The following GPC5 variants were observed in gnomAD, a reference collection of about 807,000 sequenced individuals.
GPC5 encodes glypican 5.
A neutral mutation model predicts 53.9 loss-of-function variants in GPC5; 47 were observed. That is an observed-to-expected ratio of 0.87 (90% CI 0.69 to 1.11). The LOEUF is 1.11. GPC5 is among the 50% of genes most tolerant of loss of function. The pLI is 0.00. For missense variants in GPC5, 748 were observed against 713.1 expected (o/e 1.05, Z -0.56); for synonymous variants, 286 against 263.3 (o/e 1.09, Z -0.84).
At chr13:92,768,736 T>G (rs1302866908) in intron 7 of GPC5, among the ~76,000 whole-genome samples, 1 of 151,678 alleles carries the variant, frequency 6.6e-6, no homozygotes, top group Non-Finnish European at 1.5e-5. Context: ...GTCTTGCCAC[T>G]GCTGCTCATA....
At chr13:92,453,855 C>T (rs1443036812) in intron 7 of GPC5, among the ~76,000 whole-genome samples, 5 of 152,154 alleles carry the variant, frequency 3.3e-5, no homozygotes, top group Non-Finnish European at 5.9e-5. Context: ...TTAAAATTAC[C>T]TTTTCCTTGT....
intron 5 of GPC5, among the ~76,000 whole-genome samples, chr13:91,892,459 G>A (rs1171762843): frequency 2.6e-5 from 4 of 151,268 alleles, no homozygotes; most frequent in Non-Finnish European, 4.4e-5. Flanking sequence ...ACACTTTTAT[G>A]CTTTTCTTAC....
intron 7 of GPC5, among the ~76,000 whole-genome samples, chr13:92,408,031 T>C (rs1338316067): frequency 1.3e-5 from 2 of 152,206 alleles, no homozygotes; most frequent in Admixed American, 6.5e-5. Flanking sequence ...CCGTGGCCCA[T>C]GGCCTGTTAG....
intron 7 of GPC5, among the ~76,000 whole-genome samples, chr13:92,738,312 T>G (rs1489468623): frequency 6.6e-6 from 1 of 152,110 alleles, no homozygotes; most frequent in Admixed American, 6.6e-5. Flanking sequence ...TATTTTCTTT[T>G]TTATGCAATG....
chr13:92,418,471 G>A (rs1238216252), intron 7 of GPC5, among the ~76,000 whole-genome samples: 3 of 152,188 alleles, frequency 2.0e-5, no homozygotes, highest in African/African-American at 7.2e-5. Context: ...TCTCCATGGA[G>A]AACGGAGGGC....
intron 6 of GPC5, among the ~76,000 whole-genome samples, chr13:92,022,752 G>T (rs1460545284): frequency 1.3e-5 from 2 of 151,942 alleles, no homozygotes; most frequent in Non-Finnish European, 2.9e-5. Flanking sequence ...CTGTAAGTGG[G>T]AGATAATCAT....
At chr13:91,614,601 G>A (rs2033646011) in intron 2 of GPC5, among the ~76,000 whole-genome samples, 1 of 152,134 alleles carries the variant, frequency 6.6e-6, no homozygotes, top group Admixed American at 6.5e-5. Context: ...CAAGTTCTGG[G>A]ATTACAGGCA....
rs182725071 is a variant in GPC5 at position 91,523,061 on chromosome 13, G to A, written c.325+74139G>A. 5.9e-5 allele frequency among the ~76,000 whole-genome samples: 9 copies of A among 152,282 alleles called. No homozygotes were observed. In the East Asian group the frequency reaches 1.5e-3, roughly 26 times the overall value. ...TGTAAAATGAGAATTACATAGTTTAGGATGGCGATTATAAAAAAGACAAAA... is the reference window on the plus strand; with the variant it reads ...TGTAAAATGAGAATTACATAGTTTAAGATGGCGATTATAAAAAAGACAAAA... On this transcript the variant is annotated intron_variant, in intron 2 of 7. Coordinates refer to ENST00000377067, the MANE Select transcript of GPC5 (RefSeq NM_004466.6).
intron 7 of GPC5, among the ~76,000 whole-genome samples, chr13:92,533,779 T>C (rs1881636921): frequency 6.6e-6 from 1 of 152,224 alleles, no homozygotes. Flanking sequence ...TGGGAATTCA[T>C]GATGGCGGGC....
chr13:92,752,969 G>A (rs60135481), intron 7 of GPC5, among the ~76,000 whole-genome samples: 9,701 of 152,234 alleles, frequency 0.064, 818 homozygotes, highest in East Asian at 0.37. Context: ...CAGGAAGCTC[G>A]AACTGGGTGG....
intron 7 of GPC5, among the ~76,000 whole-genome samples, chr13:92,326,588 G>T (rs1409727964): frequency 6.6e-6 from 1 of 152,080 alleles, no homozygotes; most frequent in Non-Finnish European, 1.5e-5. Context: ...ACTGTTTTCT[G>T]CAAGTTGGCA....
At chr13:91,593,157 T>C (rs1436751241) in intron 2 of GPC5, among the ~76,000 whole-genome samples, 1 of 152,186 alleles carries the variant, frequency 6.6e-6, no homozygotes, top group Non-Finnish European at 1.5e-5. Flanking sequence ...CCACATTTCC[T>C]TAACTCACCC....
At chr13:92,176,921 T>A (rs1339844803) in intron 7 of GPC5, among the ~76,000 whole-genome samples, 1 of 152,210 alleles carries the variant, frequency 6.6e-6, no homozygotes, top group Non-Finnish European at 1.5e-5. Flanking sequence ...CTACCAATGA[T>A]ATAACAGGCA....
chr13:91,615,999 T>C (rs1417067208), intron 2 of GPC5, among the ~76,000 whole-genome samples: 1 of 152,054 alleles, frequency 6.6e-6, no homozygotes, highest in African/African-American at 2.4e-5. Context: ...CAAGAGAGAA[T>C]TGATTGAAAT....
At chr13:91,796,063 GC>G (rs1194108144) in intron 5 of GPC5, among the ~76,000 whole-genome samples, 2 of 152,120 alleles carry the variant, frequency 1.3e-5, no homozygotes, top group African/African-American at 4.8e-5. Context: ...CAAGATGGTG[GC>G]AAGCCTCTTG....
chr13:92,126,543 G>A (rs1355161671), intron 6 of GPC5, among the ~76,000 whole-genome samples: 4 of 152,186 alleles, frequency 2.6e-5, no homozygotes, highest in African/African-American at 4.8e-5. Flanking sequence ...CTGATGGGCC[G>A]AATCTAGTCT....
At chr13:92,218,284 G>T (rs1031755640) in intron 7 of GPC5, among the ~76,000 whole-genome samples, 2 of 151,966 alleles carry the variant, frequency 1.3e-5, no homozygotes, top group Admixed American at 6.6e-5. Flanking sequence ...TAAAGAAATG[G>T]ATTCATCTTT....
chr13:92,337,740 C>A (rs988650566), intron 7 of GPC5, among the ~76,000 whole-genome samples: 2 of 152,128 alleles, frequency 1.3e-5, no homozygotes, highest in African/African-American at 4.8e-5. Flanking sequence ...GCTGGAACGA[C>A]TGGATTTACA....
chr13:91,451,976 AT>A lies in GPC5; in HGVS notation c.325+3060del, dbSNP rs1188836297. 2.0e-5 allele frequency among the ~76,000 whole-genome samples: 3 copies of A among 151,370 alleles called. No homozygotes were observed. The East Asian group carries it at 5.8e-4, about 29-fold the overall frequency. On this transcript the variant is annotated intron_variant, in intron 2 of 7. Coordinates refer to ENST00000377067, the MANE Select transcript of GPC5 (RefSeq NM_004466.6). ...CTGCTTTTATTTATTATTTATTTTC[AT>A]TTTTTCTATTATTTTTAATTTATGA... is the stretch of plus-strand genomic sequence containing the variant.
Sources: allele counts gnomAD v4.1 joint callset (sites outside exome capture counted in the v4.1 genomes callset), GRCh38; gene constraint gnomAD v4.1.1; transcripts MANE v1.5; gene names NCBI Gene and HGNC (gene_info 2026-07-23, HGNC 2026-07-21).